TRPM3: variants seen among roughly 807,000 people sequenced by gnomAD.
The protein encoded by TRPM3 is long transient receptor potential channel 3.
A neutral mutation model predicts 181.2 loss-of-function variants in TRPM3; 77 were observed. That is an observed-to-expected ratio of 0.42 (90% CI 0.35 to 0.51). The LOEUF (loss-of-function observed/expected upper bound fraction) is 0.51, where lower values mean the gene tolerates loss of function less well. Among genes scored for constraint, TRPM3 ranks in the 20% least tolerant of loss-of-function variants. TRPM3 has a pLI of 0.01. For synonymous variants in TRPM3, 745 were observed against 796.4 expected (o/e 0.94, Z 1.09); for missense variants, 1,759 against 2,196.7 (o/e 0.80, Z 3.98).
At chr9:70,753,429 T>C (rs2135127458) in intron 8 of TRPM3, among the ~76,000 whole-genome samples, 1 of 152,176 alleles carries the variant, frequency 6.6e-6, no homozygotes, top group East Asian at 1.9e-4. Flanking sequence ...TGACTAGAGA[T>C]AAATACGAGG....
chr9:71,301,942 G>C (rs888020364), intron 1 of TRPM3, among the ~76,000 whole-genome samples: 2 of 152,026 alleles, frequency 1.3e-5, no homozygotes, highest in Non-Finnish European at 2.9e-5. Context: ...TCCGTAGTTA[G>C]AAAATCTGAT....
intron 1 of TRPM3, among the ~76,000 whole-genome samples, chr9:70,897,929 A>C (rs531244960): frequency 6.6e-6 from 1 of 152,228 alleles, no homozygotes; most frequent in South Asian, 2.1e-4. Context: ...GTTATTAAAC[A>C]ACAGATAATT....
At chr9:70,868,339 A>C (rs1374313962) in intron 1 of TRPM3, among the ~76,000 whole-genome samples, 1 of 152,096 alleles carries the variant, frequency 6.6e-6, no homozygotes, top group Admixed American at 6.6e-5. Flanking sequence ...CACATTGAAC[A>C]AAGTATAATG....
At chr9:70,861,770 C>G (rs1455231686) in intron 3 of TRPM3, among the ~76,000 whole-genome samples, 1 of 152,098 alleles carries the variant, frequency 6.6e-6, no homozygotes, top group Non-Finnish European at 1.5e-5. Flanking sequence ...TTAACTCATT[C>G]TTTGTTTTCC....
intron 1 of TRPM3, among the ~76,000 whole-genome samples, chr9:70,869,454 C>T (rs2095740225): frequency 6.9e-6 from 1 of 144,374 alleles, no homozygotes; most frequent in African/African-American, 2.6e-5. Context: ...TCTAAAGAAA[C>T]AGTGTATGAA....
At chr9:70,743,441 T>A (rs1285498812) in intron 8 of TRPM3, among the ~76,000 whole-genome samples, 3 of 152,194 alleles carry the variant, frequency 2.0e-5, no homozygotes, top group Non-Finnish European at 4.4e-5. Context: ...AATGAAAACA[T>A]ATCTCGGAAA....
Position 70,949,156 on chromosome 9 carries a change from A to G in TRPM3, c.178-84645T>C, listed in dbSNP as rs1267386666. ...AGGATACTGGGGTGAGGGAGGCAGT[A>G]ATCAATAGGCAGAAACTAATGAAAT... is the stretch of plus-strand genomic sequence containing the variant. On this transcript the variant is annotated intron_variant, in intron 1 of 25. Transcript: ENST00000677713. Among the ~76,000 whole-genome samples the G allele has an allele frequency of 6.6e-4, 101 of 152,168 alleles. 1 individual carries two copies. Among genetic ancestry groups the G allele is most frequent in the Admixed American group, 6.6e-3 (101 of 15,260 alleles).
intron 12 of TRPM3, among the ~76,000 whole-genome samples, chr9:70,629,299 C>G (rs1043081273): frequency 4.7e-5 from 7 of 147,696 alleles, no homozygotes; most frequent in Non-Finnish European, 1.0e-4. Flanking sequence ...CCTCCCTTCC[C>G]AGCAGCATTT....
intron 1 of TRPM3, among the ~76,000 whole-genome samples, chr9:71,411,357 T>C (rs1423471353): frequency 2.6e-5 from 4 of 152,176 alleles, no homozygotes; most frequent in Non-Finnish European, 5.9e-5. Flanking sequence ...GAAAACCACA[T>C]CGTCTCAGCC....
At chr9:71,200,362 G>A (rs1046539445) in intron 1 of TRPM3, among the ~76,000 whole-genome samples, 56 of 151,528 alleles carry the variant, frequency 3.7e-4, no homozygotes, top group African/African-American at 1.2e-3. Context: ...GATTTGGGGT[G>A]GAGAGTTCTG....
chr9:71,419,848 C>T (rs1445599141), intron 1 of TRPM3, among the ~76,000 whole-genome samples: 1 of 151,876 alleles, frequency 6.6e-6, no homozygotes, highest in Non-Finnish European at 1.5e-5. Flanking sequence ...AATTTCTGCT[C>T]TATCATAAAA....
intron 20 of TRPM3, among the ~76,000 whole-genome samples, chr9:70,601,238 A>C (rs920331974): frequency 1.3e-5 from 2 of 152,242 alleles, no homozygotes; most frequent in Non-Finnish European, 1.5e-5. Context: ...GATCCAGATG[A>C]GATAACGTCT....
intron 1 of TRPM3, among the ~76,000 whole-genome samples, chr9:71,346,643 A>G (rs958832751): frequency 6.6e-6 from 1 of 152,212 alleles, no homozygotes; most frequent in Non-Finnish European, 1.5e-5. Flanking sequence ...AGCAGGGAGT[A>G]GCTCACAGGA....
intron 3 of TRPM3, among the ~76,000 whole-genome samples, chr9:70,860,523 G>C (rs1289756640): frequency 6.6e-6 from 1 of 152,190 alleles, no homozygotes; most frequent in Non-Finnish European, 1.5e-5. Flanking sequence ...AACTGAGGCA[G>C]TAGGAAGCTA....
At chr9:71,070,998 A>G (rs1457986286) in intron 1 of TRPM3, among the ~76,000 whole-genome samples, 2 of 152,136 alleles carry the variant, frequency 1.3e-5, no homozygotes, top group Admixed American at 6.5e-5. Flanking sequence ...GTCCAATGGG[A>G]CCTCATCATA....
rs77781770 is a variant in TRPM3, at chr9:70,967,603, T to C, written c.178-103092A>G. ...TGTCTATTAGCATTCTCAAAGTGTG[T>C]CCCATGGAACACATAAGATGTTAAT... On this transcript the variant is annotated intron_variant, in intron 1 of 25. Transcript: ENST00000677713. 8.6e-3 allele frequency among the ~76,000 whole-genome samples: 1,314 copies of C among 152,100 alleles called. 7 individuals carry two copies. The highest frequency in any genetic ancestry group is 0.017 in the Middle Eastern group (5 of 294).
At chr9:71,014,336 T>C (rs1352682322) in intron 1 of TRPM3, among the ~76,000 whole-genome samples, 1 of 152,132 alleles carries the variant, frequency 6.6e-6, no homozygotes, top group East Asian at 1.9e-4. Flanking sequence ...TACATGATTA[T>C]TTTTGTGAAT....
chr9:71,309,352 T>C (rs959763728), intron 1 of TRPM3, among the ~76,000 whole-genome samples: 1 of 152,180 alleles, frequency 6.6e-6, no homozygotes, highest in African/African-American at 2.4e-5. Context: ...TAACATAATA[T>C]AGTAGCATGT....
At chr9:71,100,852 T>G (rs1423875077) in intron 1 of TRPM3, among the ~76,000 whole-genome samples, 1 of 152,148 alleles carries the variant, frequency 6.6e-6, no homozygotes, top group Non-Finnish European at 1.5e-5. Flanking sequence ...TGTTATTAAA[T>G]TTGAATGAAT....
Sources: gnomAD v4.1 joint callset for allele counts (sites outside exome capture counted in the v4.1 genomes callset) on GRCh38, gnomAD v4.1.1 for gene constraint, MANE v1.5 for transcripts, NCBI Gene and HGNC (gene_info 2026-07-23, HGNC 2026-07-21) for gene names.